DPYD: variants seen among roughly 807,000 people sequenced by gnomAD.
DPYD encodes dihydropyrimidine dehydrogenase.
DPYD carries 109 observed loss-of-function variants against 116.2 expected under a neutral mutation model. The observed-to-expected ratio is 0.94, with a 90% CI of 0.80 to 1.10. The LOEUF is 1.10. DPYD is among the 50% of genes least tolerant of loss of function. The probability of loss-of-function intolerance (pLI) is 0.00; values close to 1 mark genes in which losing one functional copy is unlikely to be tolerated. For synonymous variants in DPYD, 440 were observed against 432.0 expected (o/e 1.02, Z -0.23); for missense variants, 1,302 against 1,254.5 (o/e 1.04, Z -0.57).
chr1:97,373,436 A>G, intron 16 of DPYD, 125 bp downstream of exon 16: 1 of 760,602 alleles, frequency 1.3e-6, no homozygotes, highest in Non-Finnish European at 2.2e-6. Context: ...TAAACAATGC[A>G]GACCTGGAAG....
At chr1:97,322,827 G>T (rs571461016) in intron 16 of DPYD, 3 of 151,956 alleles carry the variant, frequency 2.0e-5, no homozygotes, top group Non-Finnish European at 4.4e-5. Flanking sequence ...GGCCTCTGGG[G>T]ATTGGGACAC....
intron 16 of DPYD, among the ~76,000 whole-genome samples, chr1:97,320,333 C>T (rs964019293): frequency 9.1e-6 from 1 of 109,386 alleles, no homozygotes; most frequent in Admixed American, 1.0e-4. Context: ...TCTAGAAAAC[C>T]CCATCGTCTC....
intron 13 of DPYD, among the ~76,000 whole-genome samples, chr1:97,458,573 C>T (rs760547696): frequency 2.0e-5 from 3 of 152,160 alleles, no homozygotes; most frequent in Non-Finnish European, 4.4e-5. Flanking sequence ...GAGTTACAAA[C>T]ATCTGAGACA....
chr1:97,773,350 A>C (rs1002356693), intron 3 of DPYD, among the ~76,000 whole-genome samples: 1 of 152,162 alleles, frequency 6.6e-6, no homozygotes, highest in Non-Finnish European at 1.5e-5. Flanking sequence ...GGATATTAGT[A>C]AATAAGTTTA....
At chr1:97,671,945 TA>T (rs1444700493) in intron 8 of DPYD, among the ~76,000 whole-genome samples, 141 of 148,574 alleles carry the variant, frequency 9.5e-4, no homozygotes, top group African/African-American at 1.8e-3. Flanking sequence ...ATTTATCTAT[TA>T]TTTTTTTTTT....
At chr1:97,452,831 T>C in intron 13 of DPYD, among the ~76,000 whole-genome samples, 1 of 152,104 alleles carries the variant, frequency 6.6e-6, no homozygotes, top group East Asian at 1.9e-4. Flanking sequence ...CATTAGCAGA[T>C]GCTGCTATGC....
intron 3 of DPYD, among the ~76,000 whole-genome samples, chr1:97,748,800 TG>T (rs1465588742): frequency 2.6e-5 from 4 of 152,238 alleles, no homozygotes; most frequent in Non-Finnish European, 5.9e-5. Flanking sequence ...GTACTGTATA[TG>T]GAATCCTTTC....
chr1:97,297,001 AG>A (rs772846724), intron 18 of DPYD, among the ~76,000 whole-genome samples: 2 of 152,186 alleles, frequency 1.3e-5, no homozygotes, highest in Non-Finnish European at 2.9e-5. Flanking sequence ...GTCTTTTGCT[AG>A]CACTTGAACT....
chr1:97,142,396 G>A (rs1327935059), intron 20 of DPYD, among the ~76,000 whole-genome samples: 1 of 151,966 alleles, frequency 6.6e-6, no homozygotes, highest in African/African-American at 2.4e-5. Flanking sequence ...TCCTTCATAT[G>A]GTTCTACTAC....
At chr1:97,260,632 T>C (rs1482316456) in intron 18 of DPYD, among the ~76,000 whole-genome samples, 1 of 152,140 alleles carries the variant, frequency 6.6e-6, no homozygotes, top group East Asian at 1.9e-4. Context: ...TGGATAAACT[T>C]TATTGAATGT....
At chr1:97,525,789 A>AGT (rs1276137474) in intron 12 of DPYD, among the ~76,000 whole-genome samples, 20 of 142,608 alleles carry the variant, frequency 1.4e-4, no homozygotes, top group African/African-American at 2.9e-4. Flanking sequence ...AGAGAGAGAG[A>AGT]GTGTGTGTGT....
intron 16 of DPYD, among the ~76,000 whole-genome samples, chr1:97,361,130 C>T (rs918071677): frequency 3.9e-5 from 6 of 152,108 alleles, no homozygotes; most frequent in Non-Finnish European, 8.8e-5. Context: ...GATATCACCA[C>T]GGATCCCACA....
At chr1:97,474,876 C>A (rs919026312) in intron 13 of DPYD, among the ~76,000 whole-genome samples, 1 of 151,964 alleles carries the variant, frequency 6.6e-6, no homozygotes, top group Non-Finnish European at 1.5e-5. Flanking sequence ...CTATCATTGA[C>A]TTTTGGAATT....
chr1:97,881,698 C>T (rs1376209293), intron 2 of DPYD, among the ~76,000 whole-genome samples: 1 of 151,866 alleles, frequency 6.6e-6, no homozygotes, highest in East Asian at 1.9e-4. Flanking sequence ...AAATAAAGTC[C>T]TGACCATAAA....
chr1:97,920,789 C>T, intron 1 of DPYD, 95 bp downstream of exon 1: 1 of 1,502,494 alleles, frequency 6.7e-7, no homozygotes, highest in Non-Finnish European at 9.0e-7. Context: ...TCTCACTCTC[C>T]GGGGTGCGGG....
rs575904096 is a variant in DPYD, at chr1:97,153,434, T to C, written c.2622+39635A>G. On this transcript the variant is annotated intron_variant, in intron 20 of 22. Transcript: ENST00000370192. ...TATTCAACAAATGGTGCTGGGATAA[T>C]TGGCAAGCCACATGTAGAAGAAGGA... 5.9e-5 allele frequency among the ~76,000 whole-genome samples: 9 copies of C among 152,166 alleles called. No homozygotes were observed. In the East Asian group the frequency reaches 7.8e-4, roughly 13 times the overall value.
intron 2 of DPYD, among the ~76,000 whole-genome samples, chr1:97,843,912 T>C (rs1030371686): frequency 2.0e-5 from 3 of 152,248 alleles, no homozygotes; most frequent in African/African-American, 7.2e-5. Flanking sequence ...ATATACATAC[T>C]TCAAATGTTT....
chr1:97,780,577 C>T (rs190783787), intron 3 of DPYD, among the ~76,000 whole-genome samples: 19 of 152,270 alleles, frequency 1.2e-4, no homozygotes, highest in African/African-American at 2.4e-4. Flanking sequence ...CACCTGGTGA[C>T]GCCACAGGGA....
intron 15 of DPYD, among the ~76,000 whole-genome samples, chr1:97,380,715 A>G (rs979953319): frequency 1.3e-5 from 2 of 152,144 alleles, no homozygotes; most frequent in Non-Finnish European, 2.9e-5. Context: ...TCCCTATATC[A>G]CCACCCCAAA....
Sources: gnomAD v4.1 joint callset for allele counts (sites outside exome capture counted in the v4.1 genomes callset) on GRCh38, gnomAD v4.1.1 for gene constraint, MANE v1.5 for transcripts, NCBI Gene and HGNC (gene_info 2026-07-23, HGNC 2026-07-21) for gene names.